Variants in ZRANB3 observed in about 807,000 individuals in gnomAD.
ZRANB3 encodes zinc finger RANBP2-type containing 3.
ZRANB3 carries 125 observed loss-of-function variants against 133.8 expected under a neutral mutation model. The observed-to-expected ratio is 0.93, with a 90% CI of 0.81 to 1.08. ZRANB3 has a LOEUF of 1.08. ZRANB3 is among the 50% of genes least tolerant of loss of function. The pLI, the probability that ZRANB3 is intolerant of heterozygous loss-of-function variation, is 0.00. For missense variants in ZRANB3, 1,229 were observed against 1,275.5 expected, an observed-to-expected ratio of 0.96 and a Z score of 0.56; for synonymous variants, 387 against 432.7, an observed-to-expected ratio of 0.89 and a Z score of 1.31.
chr2:135,345,385 T>A (rs901079673), intron 6 of ZRANB3, 165 bp downstream of exon 6: 2 of 527,914 alleles, frequency 3.8e-6, no homozygotes, highest in Non-Finnish European at 6.7e-6. Flanking sequence ...GAAGAATCGA[T>A]TGAACCCAGG....
chr2:135,507,453 G>A (rs1373165902), intron 1 of ZRANB3, among the ~76,000 whole-genome samples: 1 of 152,164 alleles, frequency 6.6e-6, no homozygotes, highest in Non-Finnish European at 1.5e-5. Context: ...AAACTCAAAG[G>A]AGCAGAGATT....
chr2:135,285,076 C>T (rs1391126172), intron 8 of ZRANB3, among the ~76,000 whole-genome samples: 1 of 150,770 alleles, frequency 6.6e-6, no homozygotes, highest in Non-Finnish European at 1.5e-5. Flanking sequence ...AACTCCCGGC[C>T]TCAGGTGATC....
intron 9 of ZRANB3, among the ~76,000 whole-genome samples, chr2:135,272,760 G>A (rs1175254513): frequency 6.6e-6 from 1 of 151,908 alleles, no homozygotes; most frequent in Non-Finnish European, 1.5e-5. Flanking sequence ...AGAGAGGTGG[G>A]GCACTGAGGC....
intron 8 of ZRANB3, among the ~76,000 whole-genome samples, chr2:135,287,196 TTC>T: frequency 6.6e-6 from 1 of 152,348 alleles, no homozygotes; most frequent in East Asian, 1.9e-4. Flanking sequence ...CACTTTATCT[TTC>T]TGTTTGCTTT....
chr2:135,527,640 T>C (rs1294008588), intron 1 of ZRANB3, among the ~76,000 whole-genome samples: 1 of 152,166 alleles, frequency 6.6e-6, no homozygotes, highest in South Asian at 2.1e-4. Flanking sequence ...TTGAAAACAA[T>C]GCAAATATCC....
Position 135,217,617 on chromosome 2 carries a change from A to T in ZRANB3, c.2353-10T>A, listed in dbSNP as rs1694365501. The T allele has an allele frequency of 1.9e-6, 3 of 1,609,322 alleles. No homozygotes were observed. The highest frequency in any genetic ancestry group is 1.7e-4 in the Middle Eastern group (1 of 6,040). Reference sequence around the variant, plus strand: ...GAACAAATCTCAAAATCTGGCAGAAAATGAGATAATAAGAGTTAACAGCTC... The same window carrying T: ...GAACAAATCTCAAAATCTGGCAGAATATGAGATAATAAGAGTTAACAGCTC... On this transcript the variant is annotated splice_polypyrimidine_tract_variant and intron_variant, in intron 16 of 20. Coordinates refer to ENST00000264159, the MANE Select transcript of ZRANB3 (RefSeq NM_032143.4).
chr2:135,265,199 A>G (rs1160174320), intron 12 of ZRANB3, among the ~76,000 whole-genome samples: 2 of 152,194 alleles, frequency 1.3e-5, no homozygotes, highest in Admixed American at 1.3e-4. Context: ...TGATTTCGAT[A>G]TACTCAAATA....
Position 135,197,515 on chromosome 2 carries a change from T to G in ZRANB3, c.*2827A>C, listed in dbSNP as rs1573649133. ...GGAAAATCTCCCCAAGAAATGTACG[T>G]TGGGCTGTAATTAACGCCAAGAGTG... On this transcript the variant is annotated 3_prime_UTR_variant, in exon 21 of 21. Coordinates refer to ENST00000264159, the MANE Select transcript of ZRANB3 (RefSeq NM_032143.4). 6.6e-6 allele frequency: 1 copy of G among 152,222 alleles called. No homozygotes were observed. Among genetic ancestry groups the G allele is most frequent in the African/African-American group, 2.4e-5 (1 of 41,464 alleles). 9.4% of individuals were successfully genotyped at this position (152,222 alleles called of 1,614,324 possible). A position where few individuals can be genotyped will look rare whatever the true frequency, so the allele number is the denominator to read the frequency against.
intron 6 of ZRANB3, among the ~76,000 whole-genome samples, chr2:135,321,287 C>T (rs1295634615): frequency 1.3e-5 from 2 of 152,134 alleles, no homozygotes; most frequent in African/African-American, 2.4e-5. Flanking sequence ...TCCAGTTGTT[C>T]GGTAACCTTG....
In ZRANB3 at chr2:135,481,959, T is replaced by C. The variant is rs1348128134; in HGVS notation, c.161+22370A>G. On this transcript the variant is annotated intron_variant, in intron 2 of 20. Transcript: ENST00000264159. ...GGCGTTATTTCTGAGGGCTCTGTTC[T>C]GTTCCATTGATCTATATCTCTGTTT... 1.5e-5 allele frequency among the ~76,000 whole-genome samples: 2 copies of C among 137,912 alleles called. 1 individual carries two copies. The allele number at this position is 137,912 out of a possible 152,430, so 90.5% of individuals were successfully genotyped here.
intron 1 of ZRANB3, among the ~76,000 whole-genome samples, chr2:135,523,690 G>T (rs1694035630): frequency 6.6e-6 from 1 of 152,148 alleles, no homozygotes; most frequent in Non-Finnish European, 1.5e-5. Context: ...GACACAGATG[G>T]TCAACTAATC....
At chr2:135,409,713 C>T (rs1025763836) in intron 2 of ZRANB3, among the ~76,000 whole-genome samples, 12 of 152,192 alleles carry the variant, frequency 7.9e-5, no homozygotes, top group Admixed American at 1.3e-4. Context: ...CATGATTTTA[C>T]ACCTTGAAAA....
chr2:135,204,656 T>C (rs939818616), intron 19 of ZRANB3, among the ~76,000 whole-genome samples: 8 of 140,762 alleles, frequency 5.7e-5, no homozygotes, highest in African/African-American at 2.2e-4. Context: ...AAAAAATATA[T>C]ATATATACAT....
chr2:135,266,725 A>G (rs1163516912), intron 11 of ZRANB3, among the ~76,000 whole-genome samples: 1 of 151,888 alleles, frequency 6.6e-6, no homozygotes, highest in Admixed American at 6.6e-5. Flanking sequence ...AGATCACGCC[A>G]CCATACTCCA....
intron 3 of ZRANB3, among the ~76,000 whole-genome samples, chr2:135,368,112 A>T (rs1204247956): frequency 1.3e-5 from 2 of 152,122 alleles, no homozygotes; most frequent in Admixed American, 1.3e-4. Context: ...TGATAATGTC[A>T]TCACATGCTA....
chr2:135,526,264 A>G (rs976649399), intron 1 of ZRANB3, among the ~76,000 whole-genome samples: 2 of 151,104 alleles, frequency 1.3e-5, no homozygotes, highest in Non-Finnish European at 2.9e-5. Flanking sequence ...CCCAGGTTCA[A>G]GCCATTCTCC....
At chr2:135,474,444 A>G (rs1165748548) in intron 2 of ZRANB3, among the ~76,000 whole-genome samples, 1 of 152,108 alleles carries the variant, frequency 6.6e-6, no homozygotes, top group African/African-American at 2.4e-5. Flanking sequence ...AATCTGGCTC[A>G]TGGGGGTGTG....
chr2:135,329,786 G>A (rs1684042482), intron 6 of ZRANB3, among the ~76,000 whole-genome samples: 1 of 152,154 alleles, frequency 6.6e-6, no homozygotes, highest in Admixed American at 6.6e-5. Flanking sequence ...TCCTTTGTAA[G>A]TTGGATTCCT....
At chr2:135,460,578 C>A (rs1031607551) in intron 2 of ZRANB3, among the ~76,000 whole-genome samples, 6 of 151,962 alleles carry the variant, frequency 3.9e-5, no homozygotes, top group Admixed American at 1.3e-4. Flanking sequence ...AAACGGCTAA[C>A]TTTTGAACCT....
Sources: gnomAD v4.1 joint callset for allele counts (sites outside exome capture counted in the v4.1 genomes callset) on GRCh38, gnomAD v4.1.1 for gene constraint, MANE v1.5 for transcripts, NCBI Gene and HGNC (gene_info 2026-07-23, HGNC 2026-07-21) for gene names.